The following ZNF704 variants were observed in gnomAD, a reference collection of about 807,000 sequenced individuals.
ZNF704 encodes the protein glucocorticoid induced gene 1.
A neutral mutation model predicts 44.7 loss-of-function variants in ZNF704; 10 were observed. That is an observed-to-expected ratio of 0.22 (90% CI 0.14 to 0.38). The LOEUF (loss-of-function observed/expected upper bound fraction) is 0.38, where lower values mean the gene tolerates loss of function less well. Among genes scored for constraint, ZNF704 ranks in the 10% least tolerant of loss-of-function variants. ZNF704 has a pLI of 1.00. For missense variants in ZNF704, 390 were observed against 545.5 expected (o/e 0.71, Z 2.84); for synonymous variants, 211 against 207.6 (o/e 1.02, Z -0.14).
intron 2 of ZNF704, among the ~76,000 whole-genome samples, chr8:80,725,653 G>T (rs1220576617): frequency 1.3e-5 from 2 of 152,090 alleles, no homozygotes; most frequent in African/African-American, 4.8e-5. Flanking sequence ...ATGTCATCCT[G>T]CAAACTTAGA....
At chr8:80,765,872 A>G (rs1807218645) in intron 2 of ZNF704, among the ~76,000 whole-genome samples, 1 of 152,182 alleles carries the variant, frequency 6.6e-6, no homozygotes, top group Admixed American at 6.5e-5. Context: ...CCATTTACCG[A>G]GTATCCATTA....
chr8:80,702,683 G>C (rs1468380996), intron 2 of ZNF704, among the ~76,000 whole-genome samples: 1 of 152,154 alleles, frequency 6.6e-6, no homozygotes, highest in Non-Finnish European at 1.5e-5. Context: ...AAAAGCGAAG[G>C]CGAGATGGAA....
chr8:80,719,122 T>A lies in ZNF704; in HGVS notation c.222-26015A>T, dbSNP rs943023432. On this transcript the variant is annotated intron_variant, in intron 2 of 8. Coordinates refer to ENST00000327835, the MANE Select transcript of ZNF704 (RefSeq NM_001033723.3). ...TTGGGACTACAGGTACGTGCCACCA[T>A]GACCAGCTAATTTTTTAAATTTTTT... Among the ~76,000 whole-genome samples the A allele has an allele frequency of 2.6e-5, 4 of 152,218 alleles. No individual in the cohort carries two copies. In the East Asian group the frequency reaches 5.8e-4, roughly 22 times the overall value.
At chr8:80,714,555 T>C (rs1280380672) in intron 2 of ZNF704, among the ~76,000 whole-genome samples, 1 of 152,186 alleles carries the variant, frequency 6.6e-6, no homozygotes, top group African/African-American at 2.4e-5. Flanking sequence ...CATGAATCAT[T>C]ACATGGCATT....
intron 7 of ZNF704, among the ~76,000 whole-genome samples, chr8:80,653,098 G>T (rs1204376357): frequency 6.6e-6 from 1 of 152,100 alleles, no homozygotes; most frequent in Non-Finnish European, 1.5e-5. Flanking sequence ...TGCAGAAAAG[G>T]CCTTCGACAA....
At chr8:80,809,952 AC>A (rs1289018772) in intron 2 of ZNF704, among the ~76,000 whole-genome samples, 1 of 152,052 alleles carries the variant, frequency 6.6e-6, no homozygotes, top group Non-Finnish European at 1.5e-5. Flanking sequence ...CATTTGTGAC[AC>A]CATCCTGAGT....
intron 2 of ZNF704, among the ~76,000 whole-genome samples, chr8:80,789,341 A>C (rs899843858): frequency 2.0e-5 from 3 of 152,238 alleles, no homozygotes; most frequent in African/African-American, 7.2e-5. Context: ...TTTAGTTACC[A>C]TCTTACATTG....
rs2131639196 is a variant in ZNF704, at chr8:80,695,053, C to A, written c.222-1946G>T. Among the ~76,000 whole-genome samples, 5 of 152,316 alleles carry A rather than the reference C, an allele frequency of 3.3e-5. No homozygotes were observed. The East Asian group carries it at 9.6e-4, about 29-fold the overall frequency. On this transcript the variant is annotated intron_variant, in intron 2 of 8. Coordinates refer to ENST00000327835, the MANE Select transcript of ZNF704 (RefSeq NM_001033723.3). ...CCATTTAAAGATTTTACAGTATTCA[C>A]AGTTTACAAGATCCCTGTACTTGGG...
At position 80,672,995 on chromosome 8, in the gene ZNF704, G is replaced by A. The variant is rs1199377922; in HGVS notation, c.559-2392C>T. 2.0e-5 allele frequency among the ~76,000 whole-genome samples: 3 copies of A among 152,100 alleles called. No individual in the cohort carries two copies. The East Asian group carries it at 5.8e-4, about 29-fold the overall frequency. On this transcript the variant is annotated intron_variant, in intron 4 of 8. Coordinates refer to ENST00000327835, the MANE Select transcript of ZNF704 (RefSeq NM_001033723.3). The stretch of plus-strand genomic sequence containing the variant: ...TTAACGTAGTAAATAACAATACCTT[G>A]AAGTGGGCCTAATGCCTACCATAAT...
At chr8:80,747,757 G>A (rs538457015) in intron 2 of ZNF704, among the ~76,000 whole-genome samples, 6 of 152,200 alleles carry the variant, frequency 3.9e-5, no homozygotes, top group Admixed American at 2.6e-4. Flanking sequence ...TCGCTCGGTC[G>A]CCAGGCTGGA....
At chr8:80,673,004 C>A (rs781040907) in intron 4 of ZNF704, among the ~76,000 whole-genome samples, 7 of 152,044 alleles carry the variant, frequency 4.6e-5, no homozygotes, top group Admixed American at 2.0e-4. Context: ...TGAAGTGGGC[C>A]TAATGCCTAC....
intron 2 of ZNF704, among the ~76,000 whole-genome samples, chr8:80,719,312 G>A (rs1053013092): frequency 6.6e-6 from 1 of 151,976 alleles, no homozygotes; most frequent in South Asian, 2.1e-4. Flanking sequence ...ATTTACTGAG[G>A]TTTAAAATAA....
chr8:80,826,854 G>C (rs1239625324), intron 1 of ZNF704, among the ~76,000 whole-genome samples: 1 of 152,076 alleles, frequency 6.6e-6, no homozygotes, highest in African/African-American at 2.4e-5. Context: ...TGCAGAAAAG[G>C]CCTTTAACAA....
intron 2 of ZNF704, among the ~76,000 whole-genome samples, chr8:80,734,098 C>T (rs1806625967): frequency 6.6e-6 from 1 of 152,178 alleles, no homozygotes; most frequent in South Asian, 2.1e-4. Context: ...GTCAACTGGT[C>T]ATAGCAAAAT....
chr8:80,688,506 C>G (rs1818578876), intron 3 of ZNF704, among the ~76,000 whole-genome samples: 1 of 152,298 alleles, frequency 6.6e-6, no homozygotes, highest in South Asian at 2.1e-4. Context: ...AGCAAAGTGA[C>G]TTGCTACATG....
intron 2 of ZNF704, among the ~76,000 whole-genome samples, chr8:80,761,018 G>A (rs1433893480): frequency 6.6e-6 from 1 of 152,046 alleles, no homozygotes; most frequent in Non-Finnish European, 1.5e-5. Flanking sequence ...CCTCCCACCA[G>A]GCCCCACCTT....
intron 2 of ZNF704, among the ~76,000 whole-genome samples, chr8:80,711,665 G>A (rs1563527647): frequency 1.3e-5 from 2 of 152,182 alleles, no homozygotes; most frequent in East Asian, 3.9e-4. Context: ...GGGGATACGA[G>A]AAACTACCAA....
At chr8:80,841,247 G>C (rs1808673701) in intron 1 of ZNF704, among the ~76,000 whole-genome samples, 1 of 152,212 alleles carries the variant, frequency 6.6e-6, no homozygotes, top group Admixed American at 6.5e-5. Flanking sequence ...TGGATGCACA[G>C]TCTTGGAAGA....
At chr8:80,644,356 T>A (rs1045197232) in intron 7 of ZNF704, among the ~76,000 whole-genome samples, 1 of 152,166 alleles carries the variant, frequency 6.6e-6, no homozygotes, top group Non-Finnish European at 1.5e-5. Flanking sequence ...GCCCTTTGCA[T>A]TACCTGTCTC....
Sources: allele counts gnomAD v4.1 joint callset (sites outside exome capture counted in the v4.1 genomes callset), GRCh38; gene constraint gnomAD v4.1.1; transcripts MANE v1.5; gene names NCBI Gene and HGNC (gene_info 2026-07-23, HGNC 2026-07-21).